Variants in LIPC observed in about 807,000 individuals in gnomAD.
The protein encoded by LIPC is lipase C, hepatic type, also known as hepatic triacylglycerol lipase.
A neutral mutation model predicts 50.7 loss-of-function variants in LIPC; 44 were observed. The observed-to-expected ratio is 0.87, with a 90% CI of 0.68 to 1.11. The LOEUF (loss-of-function observed/expected upper bound fraction) is 1.11. Among genes scored for constraint, LIPC ranks in the 50% most tolerant of loss-of-function variants. The pLI, the probability that LIPC is intolerant of heterozygous loss-of-function variation, is 0.00. For synonymous variants in LIPC, 271 were observed against 256.4 expected, an observed-to-expected ratio of 1.06 and a Z score of -0.54; for missense variants, 697 against 648.2, an observed-to-expected ratio of 1.08 and a Z score of -0.82.
chr15:58,475,427 C>T (rs1292958800), intron 1 of LIPC, among the ~76,000 whole-genome samples: 2 of 152,220 alleles, frequency 1.3e-5, no homozygotes, highest in East Asian at 1.9e-4. Flanking sequence ...CTCCAGTGTC[C>T]TGCAGTGTCC....
intron 1 of LIPC, among the ~76,000 whole-genome samples, chr15:58,534,789 T>C (rs747452842): frequency 6.6e-6 from 1 of 152,222 alleles, no homozygotes; most frequent in African/African-American, 2.4e-5. Flanking sequence ...TCACATAGTG[T>C]ACATTTTTGG....
At chr15:58,526,322 G>A (rs1357667854) in intron 1 of LIPC, among the ~76,000 whole-genome samples, 2 of 152,228 alleles carry the variant, frequency 1.3e-5, no homozygotes, top group African/African-American at 4.8e-5. Context: ...GGAGTGTTTT[G>A]CAGTCAGACT....
At chr15:58,566,791 T>G (rs1337218306) in intron 8 of LIPC, among the ~76,000 whole-genome samples, 4 of 152,148 alleles carry the variant, frequency 2.6e-5, no homozygotes, top group South Asian at 4.1e-4. Flanking sequence ...CTCATATAAA[T>G]GCAAAATAAA....
chr15:58,518,208 A>G (rs1327006225), intron 1 of LIPC, among the ~76,000 whole-genome samples: 1 of 152,218 alleles, frequency 6.6e-6, no homozygotes, highest in Non-Finnish European at 1.5e-5. Context: ...TGTTTTGACA[A>G]CCAAAACTAT....
At chr15:58,478,242 T>G (rs929793952) in intron 1 of LIPC, among the ~76,000 whole-genome samples, 1 of 152,240 alleles carries the variant, frequency 6.6e-6, no homozygotes, top group Non-Finnish European at 1.5e-5. Flanking sequence ...TCTTTTTTTG[T>G]TAGTTTGTTT....
At chr15:58,559,713 A>AAAC (rs1894089511) in intron 6 of LIPC, among the ~76,000 whole-genome samples, 4 of 151,980 alleles carry the variant, frequency 2.6e-5, no homozygotes, top group African/African-American at 7.2e-5. Context: ...AAAAAAAAAA[A>AAAC]AAAAAAAAAA....
intron 5 of LIPC, among the ~76,000 whole-genome samples, chr15:58,547,994 C>T (rs1282363812): frequency 1.3e-5 from 2 of 152,132 alleles, no homozygotes; most frequent in African/African-American, 2.4e-5. Flanking sequence ...TAATAAATTA[C>T]ACTAACCTGC....
chr15:58,564,446 G>A (rs4288939), intron 8 of LIPC, among the ~76,000 whole-genome samples: 147,542 of 151,354 alleles, frequency 0.97, 72,027 homozygotes, highest in Non-Finnish European at 1. Context: ...GGAAGGACAG[G>A]GCTGGGCGTG....
chr15:58,488,027 T>C (rs1891436910), intron 1 of LIPC, among the ~76,000 whole-genome samples: 1 of 152,188 alleles, frequency 6.6e-6, no homozygotes, highest in Non-Finnish European at 1.5e-5. Context: ...ATCCAGAACT[T>C]GGGGAGGCCA....
At chr15:58,556,835 T>C (rs1489965507) in intron 6 of LIPC, among the ~76,000 whole-genome samples, 4 of 152,220 alleles carry the variant, frequency 2.6e-5, no homozygotes, top group Admixed American at 6.5e-5. Flanking sequence ...CCTCAGCTTC[T>C]TCCTTTGCAA....
At chr15:58,446,113 A>T (rs1319494224) in intron 1 of LIPC, among the ~76,000 whole-genome samples, 1 of 152,144 alleles carries the variant, frequency 6.6e-6, no homozygotes, top group African/African-American at 2.4e-5. Flanking sequence ...TAAGAGGGGG[A>T]AAGGAAGAGA....
At chr15:58,442,649 A>G (rs1893545793) in intron 1 of LIPC, among the ~76,000 whole-genome samples, 1 of 152,218 alleles carries the variant, frequency 6.6e-6, no homozygotes, top group African/African-American at 2.4e-5. Flanking sequence ...ATCCAGAAAA[A>G]CACCCTGTGA....
rs1245644685 is a variant in LIPC at position 58,541,939 on chromosome 15, A to G, written c.428A>G (p.Glu143Gly). 1.2e-6 allele frequency: 2 copies of G among 1,611,082 alleles called. No individual in the cohort carries two copies. Among genetic ancestry groups the G allele is most frequent in the African/African-American group, 2.7e-5 (2 of 74,882 alleles). Residue 143 changes from glutamate (E) to glycine (G), a missense_variant, in exon 3 of 9, where the codon GAG (glutamate) becomes GGG (glycine). Glu to Gly is a moderately conservative substitution (Grantham distance 98, BLOSUM62 -2). Transcript: ENST00000299022. The part of the protein sequence containing the change: ...AVRNTRLVGK[E>G]VAALLRWLEE... ...CGCAACACCCGCCTTGTGGGCAAGG[A>G]GGTCGCGGCTCTTCTCCGGTGGCTG...
Position 58,454,948 on chromosome 15 carries a change from T to C in LIPC, c.88+22828T>C, listed in dbSNP as rs141150401. The C allele has an allele frequency of 4.8e-3, 728 of 152,372 alleles. 5 individuals carry two copies. Among genetic ancestry groups the C allele is most frequent in the African/African-American group, 0.017 (699 of 41,594 alleles). 9.4% of individuals were successfully genotyped at this position (152,372 alleles called of 1,614,324 possible). ...ATGAAACAAATGTTTAAAATGACAG[T>C]AATAAATACTCAAAACTCCTCTGTT... On this transcript the variant is annotated intron_variant, in intron 1 of 8. Coordinates refer to ENST00000299022, the MANE Select transcript of LIPC (RefSeq NM_000236.3).
At chr15:58,501,656 C>T (rs1190262323) in intron 1 of LIPC, among the ~76,000 whole-genome samples, 3 of 152,054 alleles carry the variant, frequency 2.0e-5, no homozygotes, top group Admixed American at 6.5e-5. Flanking sequence ...ATTAACTTGC[C>T]GTGAATATAT....
chr15:58,493,788 T>C (rs974697104), intron 1 of LIPC, among the ~76,000 whole-genome samples: 4 of 150,238 alleles, frequency 2.7e-5, no homozygotes, highest in African/African-American at 9.7e-5. Flanking sequence ...TAAGTTTATA[T>C]ATATTTATAT....
At chr15:58,561,049 CTG>C (rs1325022882) in intron 7 of LIPC, 68 bp downstream of exon 7, 9 of 852,370 alleles carry the variant, frequency 1.1e-5, no homozygotes, top group South Asian at 5.3e-5. Flanking sequence ...TAAATGGACT[CTG>C]TAATTTTCAA....
intron 1 of LIPC, among the ~76,000 whole-genome samples, chr15:58,520,620 C>T (rs1203297700): frequency 1.3e-5 from 2 of 151,996 alleles, no homozygotes; most frequent in African/African-American, 2.4e-5. Context: ...AAACGCTTGG[C>T]CAAAAAAGGA....
At chr15:58,556,100 TATG>T (rs1893939987) in intron 6 of LIPC, among the ~76,000 whole-genome samples, 1 of 152,182 alleles carries the variant, frequency 6.6e-6, no homozygotes, top group Admixed American at 6.5e-5. Context: ...TTTAGCCTGT[TATG>T]AGGAGAAAGA....
Sources: allele counts gnomAD v4.1 joint callset (sites outside exome capture counted in the v4.1 genomes callset), GRCh38; gene constraint gnomAD v4.1.1; transcripts MANE v1.5; gene names NCBI Gene and HGNC (gene_info 2026-07-23, HGNC 2026-07-21).